The following DST variants were observed in gnomAD, a reference collection of about 807,000 sequenced individuals.
DST encodes the protein bullous pemphigoid antigen.
Under a neutral mutation model 875.2 loss-of-function variants are expected in DST, and 253 were observed. That is an observed-to-expected ratio of 0.29 (90% confidence interval 0.26 to 0.32). The LOEUF is 0.32. DST is among the 10% of genes least tolerant of loss of function. DST has a pLI of 1.00. For synonymous variants in DST, 3,124 were observed against 3,197.1 expected (o/e 0.98, Z 0.77); for missense variants, 8,287 against 9,111.6 (o/e 0.91, Z 3.68).
chr6:56,642,771 A>T, intron 15 of DST: 5 of 1,614,084 alleles, frequency 3.1e-6, no homozygotes, highest in Non-Finnish European at 4.2e-6. Flanking sequence ...TACGGTAACT[A>T]TAACTACTAC....
At chr6:56,616,638 C>T (rs746796444) in intron 36 of DST, 1 of 1,614,148 alleles carries the variant, frequency 6.2e-7, no homozygotes, top group Non-Finnish European at 8.5e-7. Flanking sequence ...TGTAAGATGG[C>T]ATTATTCAAC....
At chr6:56,558,415 T>C (rs1244293693) in intron 58 of DST, among the ~76,000 whole-genome samples, 1 of 152,090 alleles carries the variant, frequency 6.6e-6, no homozygotes, top group Non-Finnish European at 1.5e-5. Context: ...TTAACAGAGA[T>C]TTCTGGGCTC....
intron 32 of DST, 42 bp from the exon 33 acceptor site, chr6:56,628,203 T>C (rs758616772): frequency 6.4e-7 from 1 of 1,567,136 alleles, no homozygotes; most frequent in Non-Finnish European, 8.8e-7. Context: ...TCCAGCGATA[T>C]CCATCAGGAG....
intron 2 of DST, among the ~76,000 whole-genome samples, chr6:56,905,942 C>T (rs1796209506): frequency 6.6e-6 from 1 of 152,184 alleles, no homozygotes; most frequent in Admixed American, 6.5e-5. Context: ...AGCCACCACA[C>T]CCAGCCTATA....
intron 2 of DST, among the ~76,000 whole-genome samples, chr6:56,944,517 GA>G (rs1818414677): frequency 6.6e-6 from 1 of 152,052 alleles, no homozygotes; most frequent in Admixed American, 6.5e-5. Context: ...AGAGAGGAAA[GA>G]AATAGAAAGA....
intron 49 of DST, among the ~76,000 whole-genome samples, chr6:56,581,355 A>C (rs1176760496): frequency 6.6e-6 from 1 of 152,168 alleles, no homozygotes; most frequent in Non-Finnish European, 1.5e-5. Context: ...CATGTAATTG[A>C]TGGGGTGGAA....
At position 56,593,765 on chromosome 6, in the gene DST, G is replaced by C. The variant is rs1475403857; in HGVS notation, c.12624C>G (p.Cys4208Trp). The C allele has an allele frequency of 6.2e-7, 1 of 1,613,938 alleles. No individual in the cohort carries two copies. The highest frequency in any genetic ancestry group is 8.5e-7 in the Non-Finnish European group (1 of 1,179,864). Residue 4208 changes from cysteine to tryptophan, a missense_variant, in exon 48 of 104, where the codon TGC (cysteine) becomes TGG (tryptophan). Cys to Trp is a radical substitution (Grantham distance 215). Around this residue, in one of 10 missense-constraint regions of DST, gnomAD observed 1,513 missense variants for 1,677.8 expected, o/e 0.90. Transcript: ENST00000680361. Reference protein sequence around the residue: ...GNRVLEAAKSCSKRDGGKVDT... With the variant: ...GNRVLEAAKSWSKRDGGKVDT... ...CAACCTTGCCACCGTCTCTCTTGCT[G>C]CAAGATTTGGCAGCTTCCAACACTC...
chr6:56,474,960 CAA>C (rs386407168), intron 92 of DST, among the ~76,000 whole-genome samples: 20 of 31,338 alleles, frequency 6.4e-4, no homozygotes, highest in African/African-American at 1.4e-3. Flanking sequence ...CCCTGCCTCT[CAA>C]AAAAAAAAAA....
intron 2 of DST, among the ~76,000 whole-genome samples, chr6:56,923,438 G>A (rs1191199703): frequency 1.4e-5 from 2 of 143,270 alleles, no homozygotes; most frequent in Admixed American, 7.0e-5. Context: ...TGGAGAGAGT[G>A]GATGCTGGTA....
At chr6:56,799,122 G>C (rs1250768483) in intron 4 of DST, among the ~76,000 whole-genome samples, 1 of 152,200 alleles carries the variant, frequency 6.6e-6, no homozygotes, top group African/African-American at 2.4e-5. Context: ...ATAGGACTTA[G>C]TTGATAAAGC....
chr6:56,471,381 T>C (rs982523927), intron 94 of DST, 113 bp from the exon 95 acceptor site: 1 of 742,676 alleles, frequency 1.3e-6, no homozygotes, highest in Non-Finnish European at 2.0e-6. Context: ...TCCTTCCCAT[T>C]TCAAAAAGAG....
At chr6:56,877,803 C>T (rs1780205130) in intron 3 of DST, among the ~76,000 whole-genome samples, 1 of 152,130 alleles carries the variant, frequency 6.6e-6, no homozygotes, top group Admixed American at 6.5e-5. Context: ...GGACAAATAC[C>T]AGTCTGAGAA....
intron 69 of DST, 59 bp from the exon 70 acceptor site, chr6:56,517,679 C>G (rs995349082): frequency 1.3e-6 from 2 of 1,550,030 alleles, no homozygotes; most frequent in East Asian, 2.3e-5. Flanking sequence ...CAGAAAATAC[C>G]TATCTACAGT....
At chr6:56,721,031 G>A (rs1333683737) in intron 5 of DST, among the ~76,000 whole-genome samples, 44 of 134,430 alleles carry the variant, frequency 3.3e-4, no homozygotes, top group African/African-American at 1.2e-3. Context: ...AGCCCCCTCC[G>A]CCTCCCAGAC....
chr6:56,856,170 T>C (rs1304026304), intron 3 of DST, among the ~76,000 whole-genome samples: 1 of 152,140 alleles, frequency 6.6e-6, no homozygotes, highest in African/African-American at 2.4e-5. Context: ...TAATGCAACA[T>C]TTTTAGAAGG....
chr6:56,675,783 C>T (rs1209487080), intron 9 of DST, among the ~76,000 whole-genome samples: 3 of 151,976 alleles, frequency 2.0e-5, no homozygotes, highest in East Asian at 1.9e-4. Flanking sequence ...ACCCAGGAGG[C>T]GGAGGTTGCA....
At chr6:56,480,077 A>C (rs1341994022) in intron 90 of DST, among the ~76,000 whole-genome samples, 2 of 152,122 alleles carry the variant, frequency 1.3e-5, no homozygotes, top group Non-Finnish European at 1.5e-5. Context: ...TGTTTTATTC[A>C]TTTTTGTGTT....
At chr6:56,583,690 G>T (rs968504241) in intron 49 of DST, among the ~76,000 whole-genome samples, 115 of 152,302 alleles carry the variant, frequency 7.6e-4, no homozygotes, top group African/African-American at 2.6e-3. Context: ...GTCCTGAATG[G>T]TAATGCCTAG....
At chr6:56,761,081 G>A (rs1222288416) in intron 4 of DST, among the ~76,000 whole-genome samples, 1 of 152,196 alleles carries the variant, frequency 6.6e-6, no homozygotes, top group Non-Finnish European at 1.5e-5. Context: ...ACTTACCCTG[G>A]GGGAAGCCAG....
Sources: allele counts gnomAD v4.1 joint callset (sites outside exome capture counted in the v4.1 genomes callset), GRCh38; gene constraint gnomAD v4.1.1; regional missense constraint gnomAD v4.1.1; transcripts MANE v1.5; gene names NCBI Gene and HGNC (gene_info 2026-07-23, HGNC 2026-07-21).